Variants in BBX observed in about 807,000 individuals in gnomAD.
The protein encoded by BBX is HMG box transcription factor BBX.
A neutral mutation model predicts 100.2 loss-of-function variants in BBX; 30 were observed. That is an observed-to-expected ratio of 0.30 (90% CI 0.22 to 0.41). The LOEUF is 0.41. BBX is among the 10% of genes least tolerant of loss of function. The pLI is 1.00. For synonymous variants in BBX, 376 were observed against 388.1 expected (o/e 0.97, Z 0.37); for missense variants, 1,023 against 1,129.8 (o/e 0.91, Z 1.35).
chr3:107,662,391 A>T (rs1576229912), intron 3 of BBX, among the ~76,000 whole-genome samples: 2 of 152,284 alleles, frequency 1.3e-5, no homozygotes, highest in East Asian at 1.9e-4. Context: ...GTCTCCCAAC[A>T]GCTAACTTTA....
At chr3:107,682,852 A>T (rs2059639633) in intron 3 of BBX, among the ~76,000 whole-genome samples, 1 of 152,170 alleles carries the variant, frequency 6.6e-6, no homozygotes, top group Admixed American at 6.6e-5. Context: ...CACAGAAAGG[A>T]TCAGAAAGAG....
intron 15 of BBX, among the ~76,000 whole-genome samples, chr3:107,794,605 G>C (rs547808690): frequency 3.1e-4 from 47 of 152,166 alleles, no homozygotes; most frequent in Non-Finnish European, 5.9e-4. Context: ...GTTTGAAATA[G>C]TTGCTATATA....
intron 5 of BBX, among the ~76,000 whole-genome samples, chr3:107,721,280 A>G (rs531688865): frequency 6.6e-6 from 1 of 152,156 alleles, no homozygotes; most frequent in East Asian, 1.9e-4. Context: ...GACTTTTGTG[A>G]ATAATGTTTT....
intron 2 of BBX, among the ~76,000 whole-genome samples, chr3:107,642,677 C>G (rs991041191): frequency 3.3e-5 from 5 of 152,148 alleles, no homozygotes; most frequent in Admixed American, 6.5e-5. Context: ...CATGAGTATT[C>G]TGTTCTCCAG....
chr3:107,563,125 C>T (rs1449461212), intron 2 of BBX, among the ~76,000 whole-genome samples: 2 of 152,080 alleles, frequency 1.3e-5, no homozygotes, highest in African/African-American at 2.4e-5. Context: ...TCAGGGTCAG[C>T]GATTTATGTG....
Position 107,809,298 on chromosome 3 carries a change from A to G in BBX, c.*3841A>G, listed in dbSNP as rs1261357379. Reference sequence around the variant, plus strand: ...AAGCAGTGGGACCATGCTGCCTGCTAAACTACTGTATGAATCGTAAATGTT... The same window carrying G: ...AAGCAGTGGGACCATGCTGCCTGCTGAACTACTGTATGAATCGTAAATGTT... On this transcript the variant is annotated 3_prime_UTR_variant, in exon 18 of 18. Coordinates refer to ENST00000325805, the MANE Select transcript of BBX (RefSeq NM_001142568.3). 1 of 152,228 alleles carries G rather than the reference A, an allele frequency of 6.6e-6. No homozygotes were observed. Among genetic ancestry groups the G allele is most frequent in the African/African-American group, 2.4e-5 (1 of 41,454 alleles). The allele number at this position is 152,228 out of a possible 1,614,324, so 9.4% of individuals were successfully genotyped here. A position where few individuals can be genotyped will look rare whatever the true frequency, so the allele number is the denominator to read the frequency against.
At chr3:107,730,249 G>A (rs1387629562) in intron 6 of BBX, among the ~76,000 whole-genome samples, 2 of 152,152 alleles carry the variant, frequency 1.3e-5, no homozygotes, top group Admixed American at 1.3e-4. Flanking sequence ...TGCTTTAGCT[G>A]TCAATTTTGT....
chr3:107,665,045 A>C (rs2058667777), intron 3 of BBX, among the ~76,000 whole-genome samples: 2 of 152,132 alleles, frequency 1.3e-5, no homozygotes, highest in African/African-American at 4.8e-5. Flanking sequence ...GTGTTTTATA[A>C]TTTTAATTGT....
intron 2 of BBX, among the ~76,000 whole-genome samples, chr3:107,583,965 T>A (rs1300008220): frequency 1.5e-5 from 1 of 66,606 alleles, no homozygotes; most frequent in South Asian, 3.9e-4. Flanking sequence ...TTATATATAT[T>A]ATATATATTA....
At chr3:107,695,032 G>A (rs1438984717) in intron 3 of BBX, among the ~76,000 whole-genome samples, 8 of 149,032 alleles carry the variant, frequency 5.4e-5, no homozygotes, top group African/African-American at 7.6e-5. Flanking sequence ...CTGTGGGATC[G>A]GTGGTGATAT....
At chr3:107,707,667 A>G (rs1171080850) in intron 3 of BBX, among the ~76,000 whole-genome samples, 1 of 152,236 alleles carries the variant, frequency 6.6e-6, no homozygotes, top group Non-Finnish European at 1.5e-5. Flanking sequence ...CATTTTCTCC[A>G]AAGTGGTATG....
At chr3:107,561,485 T>C (rs2050492438) in intron 2 of BBX, among the ~76,000 whole-genome samples, 1 of 152,232 alleles carries the variant, frequency 6.6e-6, no homozygotes, top group Admixed American at 6.5e-5. Flanking sequence ...AATAGCATCA[T>C]TGACCACAAG....
chr3:107,610,044 A>G (rs1045724595), intron 2 of BBX, among the ~76,000 whole-genome samples: 2 of 151,938 alleles, frequency 1.3e-5, no homozygotes, highest in Non-Finnish European at 2.9e-5. Context: ...CTTGCATCCC[A>G]TAGGTTTTGG....
intron 2 of BBX, among the ~76,000 whole-genome samples, chr3:107,551,761 C>G (rs1167964465): frequency 6.6e-6 from 1 of 152,206 alleles, no homozygotes; most frequent in African/African-American, 2.4e-5. Flanking sequence ...TCAGGAACAT[C>G]CTTCTGGGAG....
chr3:107,711,006 C>G (rs1035844416), intron 4 of BBX, among the ~76,000 whole-genome samples: 7 of 152,328 alleles, frequency 4.6e-5, no homozygotes, highest in Non-Finnish European at 1.0e-4. Flanking sequence ...AGTCTTAGAA[C>G]TGCTCTCTTT....
At chr3:107,716,165 A>G (rs557442374) in intron 4 of BBX, among the ~76,000 whole-genome samples, 62 of 152,288 alleles carry the variant, frequency 4.1e-4, no homozygotes, top group African/African-American at 1.5e-3. Flanking sequence ...CTATTCATAT[A>G]TTTTATGTGG....
At chr3:107,579,894 T>G (rs2052141490) in intron 2 of BBX, among the ~76,000 whole-genome samples, 1 of 152,208 alleles carries the variant, frequency 6.6e-6, no homozygotes. Context: ...TTAGTTTTAC[T>G]ATCATTTTCT....
At chr3:107,758,551 G>A (rs1357278026) in intron 10 of BBX, among the ~76,000 whole-genome samples, 8 of 152,132 alleles carry the variant, frequency 5.3e-5, no homozygotes, top group Non-Finnish European at 1.0e-4. Context: ...GTGCCTGCAA[G>A]CAGGAGTGAT....
At chr3:107,542,040 T>G (rs943826475) in intron 2 of BBX, among the ~76,000 whole-genome samples, 1 of 152,080 alleles carries the variant, frequency 6.6e-6, no homozygotes, top group Admixed American at 6.6e-5. Flanking sequence ...GTAAAGGAGG[T>G]TCCAGAAGCC....
Sources: allele counts gnomAD v4.1 joint callset (sites outside exome capture counted in the v4.1 genomes callset), GRCh38; gene constraint gnomAD v4.1.1; transcripts MANE v1.5; gene names NCBI Gene and HGNC (gene_info 2026-07-23, HGNC 2026-07-21).